Variants in CLSTN2 observed in about 807,000 individuals in gnomAD.
CLSTN2 encodes calsyntenin-2.
Under a neutral mutation model 101.2 loss-of-function variants are expected in CLSTN2, and 48 were observed. That is an observed-to-expected ratio of 0.47 (90% confidence interval 0.38 to 0.60). CLSTN2 has a LOEUF of 0.60. CLSTN2 is among the 20% of genes least tolerant of loss of function. The pLI is 0.00. For missense variants in CLSTN2, 1,160 were observed against 1,238.2 expected, an observed-to-expected ratio of 0.94 and a Z score of 0.95; for synonymous variants, 481 against 463.6, an observed-to-expected ratio of 1.04 and a Z score of -0.48.
intron 2 of CLSTN2, among the ~76,000 whole-genome samples, chr3:140,192,910 A>G (rs1188350136): frequency 6.6e-6 from 1 of 151,832 alleles, no homozygotes; most frequent in African/African-American, 2.4e-5. Context: ...TTAGAACTCT[A>G]TATTGATATA....
intron 2 of CLSTN2, among the ~76,000 whole-genome samples, chr3:140,377,022 C>CACACAGAGAGAGAG (rs148236356): frequency 2.4e-3 from 363 of 148,832 alleles, no homozygotes; most frequent in African/African-American, 7.9e-3. Context: ...CACACATACA[C>CACACAGAGAGAGAG]AGAGAGAGAG....
intron 2 of CLSTN2, among the ~76,000 whole-genome samples, chr3:140,357,913 T>C (rs1201313208): frequency 6.6e-6 from 1 of 152,076 alleles, no homozygotes; most frequent in African/African-American, 2.4e-5. Context: ...TGCAGATGCT[T>C]TTATGGATTC....
In CLSTN2 at chr3:140,568,843, G is replaced by T. The variant is rs368767585; in HGVS notation, c.*2590G>T. On this transcript the variant is annotated 3_prime_UTR_variant, in exon 17 of 17. Coordinates refer to ENST00000458420, the MANE Select transcript of CLSTN2 (RefSeq NM_022131.3). ...ATATGTGTTGGGGTTTTTTTGGTAGGGGGGGTAGCAGGTAAAGGTGGCCCA... is the reference window on the plus strand; with the variant it reads ...ATATGTGTTGGGGTTTTTTTGGTAGTGGGGGTAGCAGGTAAAGGTGGCCCA... 4.5e-4 allele frequency: 69 copies of T among 152,208 alleles called. No homozygotes were observed. Among genetic ancestry groups the T allele is most frequent in the Admixed American group, 2.9e-3 (44 of 15,296 alleles). The allele number at this position is 152,208 out of a possible 1,614,324, so 9.4% of individuals were successfully genotyped here.
intron 5 of CLSTN2, among the ~76,000 whole-genome samples, chr3:140,446,529 T>A (rs6771366): frequency 7.2e-5 from 11 of 152,024 alleles, no homozygotes; most frequent in African/African-American, 2.7e-4. Flanking sequence ...GATTGTCTCC[T>A]TCCTTGACAG....
intron 2 of CLSTN2, among the ~76,000 whole-genome samples, chr3:140,364,521 T>C (rs2087763483): frequency 6.6e-6 from 1 of 152,132 alleles, no homozygotes; most frequent in Non-Finnish European, 1.5e-5. Flanking sequence ...TCCATTCAGA[T>C]GCAGCAGTGA....
chr3:140,276,917 A>G (rs1254474735), intron 2 of CLSTN2, among the ~76,000 whole-genome samples: 3 of 152,184 alleles, frequency 2.0e-5, no homozygotes, highest in Non-Finnish European at 2.9e-5. Flanking sequence ...TAGGCAGAGA[A>G]GCAGGGAGAG....
intron 2 of CLSTN2, among the ~76,000 whole-genome samples, chr3:140,398,501 TATG>T (rs1409793979): frequency 4.6e-5 from 7 of 152,208 alleles, no homozygotes; most frequent in African/African-American, 1.7e-4. Context: ...TTAGTATTAA[TATG>T]ATGATCACTT....
intron 1 of CLSTN2, among the ~76,000 whole-genome samples, chr3:140,094,596 G>A (rs1477147306): frequency 3.3e-5 from 5 of 152,192 alleles, no homozygotes; most frequent in Non-Finnish European, 1.5e-5. Context: ...CAAATGGAAT[G>A]TTCAGTGCTC....
At chr3:140,075,213 T>G (rs952938850) in intron 1 of CLSTN2, among the ~76,000 whole-genome samples, 2 of 152,174 alleles carry the variant, frequency 1.3e-5, no homozygotes, top group African/African-American at 2.4e-5. Context: ...ATATTTATTA[T>G]TTTCTTTCTT....
At chr3:140,424,932 C>A (rs995244354) in intron 5 of CLSTN2, among the ~76,000 whole-genome samples, 2 of 152,040 alleles carry the variant, frequency 1.3e-5, no homozygotes, top group Non-Finnish European at 2.9e-5. Flanking sequence ...CTGCAATGAG[C>A]CTCAACCCCC....
At chr3:140,452,104 C>T (rs561432757) in intron 6 of CLSTN2, among the ~76,000 whole-genome samples, 7 of 152,092 alleles carry the variant, frequency 4.6e-5, no homozygotes, top group African/African-American at 1.7e-4. Context: ...TGCTGCCAAC[C>T]AGAGCCAGGT....
chr3:139,944,089 A>G (rs1935180610), intron 1 of CLSTN2, among the ~76,000 whole-genome samples: 1 of 152,212 alleles, frequency 6.6e-6, no homozygotes, highest in Non-Finnish European at 1.5e-5. Context: ...CTATGCACCA[A>G]GCACTATTCT....
At chr3:140,179,741 T>G (rs2010380615) in intron 2 of CLSTN2, among the ~76,000 whole-genome samples, 1 of 151,852 alleles carries the variant, frequency 6.6e-6, no homozygotes, top group South Asian at 2.1e-4. Context: ...TTTCTGAAAC[T>G]TTTTAAATGA....
intron 8 of CLSTN2, among the ~76,000 whole-genome samples, chr3:140,484,188 G>A (rs1012197979): frequency 6.6e-6 from 1 of 152,174 alleles, no homozygotes; most frequent in African/African-American, 2.4e-5. Flanking sequence ...GCATTTGCTT[G>A]TCTGCAAAGG....
chr3:140,483,594 C>A (rs200095296), intron 8 of CLSTN2, among the ~76,000 whole-genome samples: 2 of 151,996 alleles, frequency 1.3e-5, no homozygotes, highest in African/African-American at 4.8e-5. Context: ...CTTTGTAGGT[C>A]TCTAAGGACT....
intron 2 of CLSTN2, among the ~76,000 whole-genome samples, chr3:140,235,299 G>A (rs1280226657): frequency 1.3e-5 from 2 of 152,062 alleles, no homozygotes; most frequent in Non-Finnish European, 2.9e-5. Flanking sequence ...GCCAGATGGG[G>A]GCCCTAACAG....
chr3:140,503,363 A>G (rs1381921849), intron 8 of CLSTN2, among the ~76,000 whole-genome samples: 1 of 152,236 alleles, frequency 6.6e-6, no homozygotes, highest in Non-Finnish European at 1.5e-5. Context: ...ACTTGTGTCT[A>G]AATAAACACA....
chr3:140,124,683 G>A (rs561484709), intron 1 of CLSTN2, among the ~76,000 whole-genome samples: 7 of 152,294 alleles, frequency 4.6e-5, no homozygotes, highest in African/African-American at 1.7e-4. Context: ...GTTCTGAGCT[G>A]TTGAGATGTC....
At chr3:140,456,649 T>C (rs1040056791) in intron 6 of CLSTN2, among the ~76,000 whole-genome samples, 11 of 151,874 alleles carry the variant, frequency 7.2e-5, no homozygotes, top group Admixed American at 2.0e-4. Context: ...TAGCCAGACA[T>C]AGTGGCGCAT....
Sources: gnomAD v4.1 joint callset for allele counts (sites outside exome capture counted in the v4.1 genomes callset) on GRCh38, gnomAD v4.1.1 for gene constraint, MANE v1.5 for transcripts, NCBI Gene and HGNC (gene_info 2026-07-23, HGNC 2026-07-21) for gene names.